BIRC3: variants seen among roughly 807,000 people sequenced by gnomAD.
The protein encoded by BIRC3 is baculoviral IAP repeat-containing protein 3.
A neutral mutation model predicts 59.0 loss-of-function variants in BIRC3; 26 were observed. The observed-to-expected ratio is 0.44, with a 90% CI of 0.32 to 0.61. The LOEUF is 0.61. Among genes scored for constraint, BIRC3 ranks in the 20% least tolerant of loss-of-function variants. The probability of loss-of-function intolerance (pLI) is 0.04; values close to 1 mark genes in which losing one functional copy is unlikely to be tolerated. For synonymous variants in BIRC3, 243 were observed against 249.2 expected (o/e 0.98, Z 0.24); for missense variants, 641 against 711.5 (o/e 0.90, Z 1.13).
Position 102,338,404 on chromosome 11 carries a change from A to G in BIRC3, c.*1302A>G. 4.4e-6 allele frequency: 1 copy of G among 229,058 alleles called. No homozygotes were observed. Among genetic ancestry groups the G allele is most frequent in the Non-Finnish European group, 8.7e-6 (1 of 115,394 alleles). 14.2% of individuals were successfully genotyped at this position (229,058 alleles called of 1,614,324 possible). On this transcript the variant is annotated 3_prime_UTR_variant, in exon 9 of 9. Coordinates refer to ENST00000263464, the MANE Select transcript of BIRC3 (RefSeq NM_001165.5). The stretch of plus-strand genomic sequence containing the variant: ...ATAACAAAAGACAGGTTAACAAGAG[A>G]AAAACTTAACAAATTTATTTAATCA...
chr11:102,327,073 T>C (rs1390784270), intron 3 of BIRC3, among the ~76,000 whole-genome samples: 1 of 152,188 alleles, frequency 6.6e-6, no homozygotes, highest in Non-Finnish European at 1.5e-5. Flanking sequence ...CTCCTGACCC[T>C]TGTCCACTTG....
In BIRC3 at chr11:102,324,806, A is replaced by G. The variant is rs1339670357; in HGVS notation, c.297A>G (p.Leu99=). 3.7e-6 allele frequency: 6 copies of G among 1,614,082 alleles called. No homozygotes were observed. The highest frequency in any genetic ancestry group is 5.1e-6 in the Non-Finnish European group (6 of 1,180,034). ...LYPSCRFVQS[L]NSVNNLEATS... ...CTAGCTGCAGATTCGTTCAGAGTCT[A>G]AATTCCGTTAACAACTTGGAAGCTA... is the stretch of plus-strand genomic sequence containing the variant. The change falls in exon 2 of 9, where the codon CTA becomes CTG. Residue 99 remains leucine (L), a synonymous_variant. Coordinates refer to ENST00000263464, the MANE Select transcript of BIRC3 (RefSeq NM_001165.5).
chr11:102,329,388 A>C (rs1207815014), intron 5 of BIRC3, among the ~76,000 whole-genome samples: 2 of 152,210 alleles, frequency 1.3e-5, no homozygotes, highest in African/African-American at 4.8e-5. Context: ...TGACTTGTAC[A>C]TCACCTTACA....
chr11:102,328,992 G>T (rs775418215), intron 5 of BIRC3, 47 bp downstream of exon 5: 1 of 1,093,418 alleles, frequency 9.1e-7, no homozygotes, highest in South Asian at 1.6e-5. Flanking sequence ...GAGTCATTTG[G>T]TACTGTTAAT....
chr11:102,318,644 A>G (rs2135780054), intron 1 of BIRC3, among the ~76,000 whole-genome samples: 1 of 152,316 alleles, frequency 6.6e-6, no homozygotes, highest in Admixed American at 6.5e-5. Flanking sequence ...CCCAAAGGGT[A>G]GGGATGCCCA....
In BIRC3 at chr11:102,322,778, A is replaced by G; in HGVS notation, c.-1732A>G. 1 of 16,592 alleles carries G rather than the reference A, an allele frequency of 6.0e-5. No homozygotes were observed. Among genetic ancestry groups the G allele is most frequent in the East Asian group, 2.1e-3 (1 of 472 alleles). 1.0% of individuals were successfully genotyped at this position (16,592 alleles called of 1,614,324 possible). A position where few individuals can be genotyped will look rare whatever the true frequency, so the allele number is the denominator to read the frequency against. The stretch of plus-strand genomic sequence containing the variant: ...GAAACCATGCTTGCAAACCACTGGT[A>G]AAAAAAAAAAAAAAAAAAAAAAAAA... On this transcript the variant is annotated 5_prime_UTR_variant, in exon 2 of 9. An upstream open reading frame in the 5' UTR loses its in-frame stop. Coordinates refer to ENST00000263464, the MANE Select transcript of BIRC3 (RefSeq NM_001165.5).
At chr11:102,336,715 T>G (rs1362114965) in intron 7 of BIRC3, 45 bp from the exon 8 acceptor site, 1 of 1,551,166 alleles carries the variant, frequency 6.4e-7, no homozygotes, top group Admixed American at 1.8e-5. Context: ...TAGCTAAATA[T>G]TAACCTTATT....
Position 102,325,096 on chromosome 11 carries a change from A to G in BIRC3, c.587A>G (p.Tyr196Cys). The G allele has an allele frequency of 1.9e-6, 3 of 1,614,208 alleles. No homozygotes were observed. The highest frequency in any genetic ancestry group is 2.5e-6 in the Non-Finnish European group (3 of 1,180,030). ...GATCTGGCAAAAGCAGGCTTTTACT[A>G]CATAGGACCTGGAGACAGAGTGGCT... ...PTDLAKAGFY[Y>C]IGPGDRVACF... is the part of the protein sequence containing the mutation. Residue 196 changes from tyrosine (Y) to cysteine (C), a missense_variant, in exon 2 of 9, where the codon TAC (tyrosine) becomes TGC (cysteine). Transcript: ENST00000263464.
intron 6 of BIRC3, among the ~76,000 whole-genome samples, chr11:102,333,588 A>G (rs1416757357): frequency 6.6e-6 from 1 of 151,668 alleles, no homozygotes; most frequent in Non-Finnish European, 1.5e-5. Context: ...AAAAAAAGAA[A>G]GAAAGAAAAG....
rs1951046063 is a variant in BIRC3 at position 102,322,949 on chromosome 11, G to A, written c.-1561G>A. 1 of 202,106 alleles carries A rather than the reference G, an allele frequency of 4.9e-6. No homozygotes were observed. Among genetic ancestry groups the A allele is most frequent in the Admixed American group, 6.0e-5 (1 of 16,776 alleles). The allele number at this position is 202,106 out of a possible 1,614,324, so 12.5% of individuals were successfully genotyped here. A position where few individuals can be genotyped will look rare whatever the true frequency, so the allele number is the denominator to read the frequency against. On this transcript the variant is annotated 5_prime_UTR_variant, in exon 2 of 9. The change abolishes an upstream ATG in the 5' untranslated region. Transcript: ENST00000263464. The stretch of plus-strand genomic sequence containing the variant: ...GTAAATTTATTATTTTTTTTGTCAT[G>A]ATAAATTCTGGTTCAAGGTATGCTA...
chr11:102,334,041 A>AC (rs1157527273), intron 6 of BIRC3, among the ~76,000 whole-genome samples: 4 of 152,226 alleles, frequency 2.6e-5, no homozygotes, highest in Non-Finnish European at 5.9e-5. Flanking sequence ...CAACTTTGAA[A>AC]TGAGACTTTT....
chr11:102,333,091 G>A (rs1338197958), intron 6 of BIRC3, among the ~76,000 whole-genome samples: 1 of 152,102 alleles, frequency 6.6e-6, no homozygotes, highest in Non-Finnish European at 1.5e-5. Flanking sequence ...AGAGCCCTTA[G>A]CGTTTCTGCC....
At position 102,337,172 on chromosome 11, in the gene BIRC3, C is replaced by A; in HGVS notation, c.*70C>A. The A allele has an allele frequency of 8.2e-7, 1 of 1,218,448 alleles. No homozygotes were observed. Among genetic ancestry groups the A allele is most frequent in the South Asian group, 2.6e-5 (1 of 37,954 alleles). 75.5% of individuals were successfully genotyped at this position (1,218,448 alleles called of 1,614,324 possible). On this transcript the variant is annotated 3_prime_UTR_variant, in exon 9 of 9. Coordinates refer to ENST00000263464, the MANE Select transcript of BIRC3 (RefSeq NM_001165.5). ...ATGTATTATAACTTTAACTTTTATC[C>A]TAATTTGGTTTCCTTAAAATTTTTA...
chr11:102,323,600 A>G lies in BIRC3; in HGVS notation c.-910A>G, dbSNP rs1370524226. The G allele has an allele frequency of 5.2e-6, 1 of 190,630 alleles. No homozygotes were observed. Among genetic ancestry groups the G allele is most frequent in the East Asian group, 8.4e-5 (1 of 11,950 alleles). 11.8% of individuals were successfully genotyped at this position (190,630 alleles called of 1,614,324 possible). On this transcript the variant is annotated 5_prime_UTR_variant, in exon 2 of 9. An upstream start codon of the reference 5' UTR is lost. Transcript: ENST00000263464. ...TAAGCAATCATATTCCTGATGATCTATGGGAAATAACTATTATTTAATTAA... is the reference window on the plus strand; with the variant it reads ...TAAGCAATCATATTCCTGATGATCTGTGGGAAATAACTATTATTTAATTAA...
chr11:102,319,043 A>ACTT (rs772217668), intron 1 of BIRC3, among the ~76,000 whole-genome samples: 2 of 131,600 alleles, frequency 1.5e-5, no homozygotes, highest in African/African-American at 5.7e-5. Context: ...TTGAAAGAGG[A>ACTT]TTTTTTTTTT....
intron 5 of BIRC3, among the ~76,000 whole-genome samples, chr11:102,329,752 A>G (rs1217153637): frequency 6.6e-6 from 1 of 152,182 alleles, no homozygotes; most frequent in Admixed American, 6.5e-5. Flanking sequence ...ACACTTGGAC[A>G]TAGGAAGGGG....
At position 102,324,714 on chromosome 11, in the gene BIRC3, T is replaced by C. The variant is rs753649715; in HGVS notation, c.205T>C (p.Cys69Arg). The part of the protein sequence containing the change: ...GVNDKVKCFC[C>R]GLMLDNWKRG... ...GAATGACAAGGTCAAATGCTTCTGT[T>C]GTGGCCTGATGCTGGATAACTGGAA... The change falls in exon 2 of 9, where the codon TGT becomes CGT. Residue 69 changes from cysteine (C) to arginine (R), a missense_variant. Physicochemically the swap from Cys to Arg is radical, Grantham distance 180. This residue lies in a region of BIRC3 where 329 missense variants were observed against 365.6 expected (regional missense o/e 0.90). Coordinates refer to ENST00000263464, the MANE Select transcript of BIRC3 (RefSeq NM_001165.5). 1 of 1,614,072 alleles carries C rather than the reference T, an allele frequency of 6.2e-7. No individual in the cohort carries two copies. The highest frequency in any genetic ancestry group is 1.3e-5 in the African/African-American group (1 of 74,926).
At chr11:102,321,621 C>T (rs1436859519) in intron 1 of BIRC3, among the ~76,000 whole-genome samples, 2 of 152,228 alleles carry the variant, frequency 1.3e-5, no homozygotes, top group Non-Finnish European at 2.9e-5. Flanking sequence ...TCCCAAAATG[C>T]TGGGATTACA....
At chr11:102,327,244 G>A (rs1047223577) in intron 3 of BIRC3, among the ~76,000 whole-genome samples, 3 of 152,136 alleles carry the variant, frequency 2.0e-5, no homozygotes, top group African/African-American at 7.2e-5. Flanking sequence ...TATATTAAGA[G>A]TAAATTGATT....
Sources: gnomAD v4.1 joint callset for allele counts (sites outside exome capture counted in the v4.1 genomes callset) on GRCh38, gnomAD v4.1.1 for gene constraint, gnomAD v4.1.1 regional missense constraint, MANE v1.5 for transcripts, NCBI Gene and HGNC (gene_info 2026-07-23, HGNC 2026-07-21) for gene names.